The following PSMD9 variants were observed in gnomAD, a reference collection of about 807,000 sequenced individuals.
PSMD9 encodes 26S proteasome non-ATPase regulatory subunit 9.
Under a neutral mutation model 25.9 loss-of-function variants are expected in PSMD9, and 26 were observed. The observed-to-expected ratio is 1.00, with a 90% CI of 0.73 to 1.39. The LOEUF (loss-of-function observed/expected upper bound fraction) is 1.39, where lower values mean the gene tolerates loss of function less well. Among genes scored for constraint, PSMD9 ranks in the 40% most tolerant of loss-of-function variants. The pLI is 0.00. For missense variants in PSMD9, 303 were observed against 299.3 expected, an observed-to-expected ratio of 1.01 and a Z score of -0.09; for synonymous variants, 110 against 114.5, an observed-to-expected ratio of 0.96 and a Z score of 0.25.
At chr12:121,912,781 G>C (rs763686731) in intron 4 of PSMD9, among the ~76,000 whole-genome samples, 1 of 148,824 alleles carries the variant, frequency 6.7e-6, no homozygotes, top group East Asian at 2.0e-4. Context: ...CAGGAGAATC[G>C]CTTGAGCCCA....
chr12:121,900,986 A>AT (rs1879377936), intron 3 of PSMD9, among the ~76,000 whole-genome samples: 1 of 117,424 alleles, frequency 8.5e-6, no homozygotes, highest in Non-Finnish European at 1.7e-5. Context: ...GACTCTGTCT[A>AT]AAAAAAAAAA....
intron 2 of PSMD9, chr12:121,897,977 A>T (rs1250821911): frequency 1.3e-5 from 2 of 152,192 alleles, no homozygotes; most frequent in African/African-American, 4.8e-5. Context: ...CCATTCCCCA[A>T]CAGCTGTGTA....
chr12:121,913,684 A>T (rs1879807964), intron 4 of PSMD9, among the ~76,000 whole-genome samples: 1 of 151,222 alleles, frequency 6.6e-6, no homozygotes, highest in African/African-American at 2.4e-5. Flanking sequence ...GTTTTTTGTA[A>T]AGACGAGATC....
intron 1 of PSMD9, among the ~76,000 whole-genome samples, chr12:121,891,611 A>T (rs113895853): frequency 3.4e-5 from 5 of 146,348 alleles, no homozygotes; most frequent in African/African-American, 1.2e-4. Flanking sequence ...AGAAAAAAGA[A>T]AAAAAAAAAA....
chr12:121,909,707 T>C (rs913167576), intron 4 of PSMD9, among the ~76,000 whole-genome samples: 2 of 152,166 alleles, frequency 1.3e-5, no homozygotes, highest in African/African-American at 4.8e-5. Flanking sequence ...GGGAATTCCT[T>C]GTCGGCACAT....
chr12:121,890,726 C>T (rs1879046527), intron 1 of PSMD9, among the ~76,000 whole-genome samples: 1 of 152,106 alleles, frequency 6.6e-6, no homozygotes. Flanking sequence ...CCTGCCTCTG[C>T]CTCCCAAAGT....
At chr12:121,915,293 C>G (rs1344461999) in intron 4 of PSMD9, 3 of 150,776 alleles carry the variant, frequency 2.0e-5, no homozygotes, top group East Asian at 1.9e-4. Flanking sequence ...CCACTGCACT[C>G]CAGCCTGGGT....
rs746326354 is a variant in PSMD9 at position 121,888,873 on chromosome 12, C to T, written c.17C>T (p.Ala6Val). 1.9e-6 allele frequency: 3 copies of T among 1,603,718 alleles called. No individual in the cohort carries two copies. Among genetic ancestry groups the T allele is most frequent in the Non-Finnish European group, 2.6e-6 (3 of 1,176,194 alleles). ...GGGTTCACGATGTCCGACGAGGAAG[C>T]GAGGCAGAGCGGAGGCTCCTCGCAG... MSDEEARQSGGSSQAG... is the reference protein window; with the variant it reads MSDEEVRQSGGSSQAG... Residue 6 changes from alanine to valine, a missense_variant, in exon 1 of 6, where the codon GCG (alanine) becomes GTG (valine). Transcript: ENST00000541212.
intron 1 of PSMD9, among the ~76,000 whole-genome samples, chr12:121,890,498 C>T (rs540711827): frequency 3.3e-5 from 5 of 151,728 alleles, no homozygotes; most frequent in Admixed American, 2.0e-4. Context: ...GACAGGGTCT[C>T]GCTCTGTTGC....
At chr12:121,892,081 C>G (rs1384422155) in intron 1 of PSMD9, among the ~76,000 whole-genome samples, 7 of 151,840 alleles carry the variant, frequency 4.6e-5, no homozygotes, top group African/African-American at 1.7e-4. Context: ...AACTGTGTTT[C>G]AAAGGGCATA....
At chr12:121,916,236 T>G in intron 5 of PSMD9, 48 bp from the exon 6 acceptor site, 1 of 1,611,294 alleles carries the variant, frequency 6.2e-7, no homozygotes, top group Non-Finnish European at 8.5e-7. Context: ...CTGACCTTCC[T>G]GAAGGGAGCC....
At chr12:121,896,840 A>C (rs1411639085) in intron 2 of PSMD9, among the ~76,000 whole-genome samples, 1 of 128,024 alleles carries the variant, frequency 7.8e-6, no homozygotes, top group Non-Finnish European at 1.8e-5. Flanking sequence ...CTGTCTCAAA[A>C]AAAAAAAAAA....
chr12:121,915,891 A>G lies in PSMD9; in HGVS notation c.591A>G (p.Glu197=), dbSNP rs768929286. 68 of 1,613,656 alleles carry G rather than the reference A, an allele frequency of 4.2e-5. No individual in the cohort carries two copies. Among genetic ancestry groups the G allele is most frequent in the Middle Eastern group, 1.6e-4 (1 of 6,078 alleles). ...PLNVTVIRRG[E]KHQLRLVPTR... ...ATGTGACAGTGATCCGCAGGGGGGA[A>G]AAACACCAGCTTAGACTTGTTCCAA... The change falls in exon 5 of 6, where the codon GAA becomes GAG. Residue 197 remains glutamate, a synonymous_variant. Coordinates refer to ENST00000541212, the MANE Select transcript of PSMD9 (RefSeq NM_002813.7).
chr12:121,910,862 A>G (rs1458187022), intron 4 of PSMD9: 5 of 435,934 alleles, frequency 1.1e-5, no homozygotes, highest in African/African-American at 1.0e-4. Flanking sequence ...CCCATCTCCC[A>G]TCTCCAAAAC....
chr12:121,896,199 G>A (rs1480530273), intron 2 of PSMD9, among the ~76,000 whole-genome samples: 1 of 152,146 alleles, frequency 6.6e-6, no homozygotes, highest in African/African-American at 2.4e-5. Context: ...GCCGGGTGCG[G>A]TGGCTCATGC....
chr12:121,909,829 G>A (rs994091277), intron 4 of PSMD9, among the ~76,000 whole-genome samples: 12 of 152,100 alleles, frequency 7.9e-5, no homozygotes, highest in Admixed American at 5.2e-4. Flanking sequence ...GTGTTTGGCC[G>A]TAACAAACAG....
At position 121,916,383 on chromosome 12, in the gene PSMD9, G is replaced by A. The variant is rs1565897393; in HGVS notation, c.*72G>A. ...ACTTGGGTCTAGGGATTTCCAACTT[G>A]TCTTCTCTCCCTGAAGCATAAGGAT... is the stretch of plus-strand genomic sequence containing the variant. On this transcript the variant is annotated 3_prime_UTR_variant, in exon 6 of 6. Coordinates refer to ENST00000541212, the MANE Select transcript of PSMD9 (RefSeq NM_002813.7). The A allele has an allele frequency of 3.2e-6, 5 of 1,553,348 alleles. No individual in the cohort carries two copies. Among genetic ancestry groups the A allele is most frequent in the Non-Finnish European group, 2.7e-6 (3 of 1,124,896 alleles).
At chr12:121,906,325 C>G (rs1291795690) in intron 4 of PSMD9, among the ~76,000 whole-genome samples, 1 of 151,874 alleles carries the variant, frequency 6.6e-6, no homozygotes, top group Non-Finnish European at 1.5e-5. Context: ...GGGACCTGAG[C>G]TCAGCTGGAG....
rs1246669640 is a variant in PSMD9, at chr12:121,894,792, G to C, written c.192G>C (p.Arg64=). The C allele has an allele frequency of 1.9e-6, 3 of 1,614,136 alleles. No individual in the cohort carries two copies. Among genetic ancestry groups the C allele is most frequent in the Non-Finnish European group, 2.5e-6 (3 of 1,180,026 alleles). The part of the protein sequence containing the change: ...EPLVDCEGYP[R]SDVDLYQVRT... ...TGGTGGACTGTGAGGGCTACCCCCG[G>C]TCAGACGTGGACCTGTACCAAGTCC... Residue 64 remains arginine, a synonymous_variant, in exon 2 of 6, where the codon CGG becomes CGC. Coordinates refer to ENST00000541212, the MANE Select transcript of PSMD9 (RefSeq NM_002813.7).
Sources: gnomAD v4.1 joint callset for allele counts (sites outside exome capture counted in the v4.1 genomes callset) on GRCh38, gnomAD v4.1.1 for gene constraint, MANE v1.5 for transcripts, NCBI Gene and HGNC (gene_info 2026-07-23, HGNC 2026-07-21) for gene names.